The following MYLK4 variants were observed in gnomAD, a reference collection of about 807,000 sequenced individuals.
MYLK4 encodes the protein myosin light chain kinase family member 4, also known as caMLCK like.
In MYLK4, 46 loss-of-function variants were observed where a neutral mutation model predicts 48.1. The observed-to-expected ratio is 0.96, with a 90% CI of 0.75 to 1.22. The LOEUF (loss-of-function observed/expected upper bound fraction) is 1.22, where lower values mean the gene tolerates loss of function less well. MYLK4 is among the 50% of genes most tolerant of loss of function. The pLI, the probability that MYLK4 is intolerant of heterozygous loss-of-function variation, is 0.00. For synonymous variants in MYLK4, 170 were observed against 180.8 expected (o/e 0.94, Z 0.48); for missense variants, 451 against 486.1 (o/e 0.93, Z 0.68).
At position 2,685,587 on chromosome 6, in the gene MYLK4, G is replaced by A. The variant is rs756346551; in HGVS notation, c.342-11C>T. On this transcript the variant is annotated splice_polypyrimidine_tract_variant and intron_variant, in intron 4 of 12. Coordinates refer to ENST00000274643, the MANE Select transcript of MYLK4 (RefSeq NM_001012418.5). This position sits in a 1 kb window ranked among gnomAD's most constrained non-coding sequence, Gnocchi z 4.5. ...TGGCCGAAACGCCCTCTGCCAAAAA[G>A]AGGAAGCGGCGTAGCATGAGGCCCT... 18 of 1,613,802 alleles carry A rather than the reference G, an allele frequency of 1.1e-5. No homozygotes were observed. The highest frequency in any genetic ancestry group is 5.0e-5 in the Admixed American group (3 of 60,008).
At chr6:2,747,295 C>A (rs910038430) in intron 2 of MYLK4, among the ~76,000 whole-genome samples, 4 of 152,106 alleles carry the variant, frequency 2.6e-5, no homozygotes, top group Non-Finnish European at 5.9e-5. Flanking sequence ...GTTGGCTGCA[C>A]AAAAGTAACA....
intron 6 of MYLK4, among the ~76,000 whole-genome samples, chr6:2,684,919 T>C (rs1270246728): frequency 2.0e-5 from 3 of 152,244 alleles, no homozygotes; most frequent in African/African-American, 7.2e-5. Context: ...AAATGGAAGC[T>C]TCTTAGCCCT....
At chr6:2,717,193 C>T (rs1762894888) in intron 2 of MYLK4, among the ~76,000 whole-genome samples, 1 of 152,200 alleles carries the variant, frequency 6.6e-6, no homozygotes, top group African/African-American at 2.4e-5. Context: ...CAGCTTTGTT[C>T]GTTTTGAAAG....
upstream of MYLK4, among the ~76,000 whole-genome samples, chr6:2,754,145 A>G (rs901837763): frequency 3.3e-5 from 5 of 152,226 alleles, no homozygotes; most frequent in African/African-American, 7.2e-5. Context: ...GTTATTTCCC[A>G]TATGACCTAG....
chr6:2,674,459 C>T (rs1253801637), intron 11 of MYLK4, among the ~76,000 whole-genome samples: 1 of 152,068 alleles, frequency 6.6e-6, no homozygotes, highest in Non-Finnish European at 1.5e-5. Flanking sequence ...TATGTATGTG[C>T]ACATAAGACA....
chr6:2,733,393 C>A (rs779098248), intron 2 of MYLK4, among the ~76,000 whole-genome samples: 16 of 152,154 alleles, frequency 1.1e-4, no homozygotes, highest in Non-Finnish European at 1.8e-4. Context: ...TCATAATCCC[C>A]AGAGACCAGC....
At chr6:2,758,621 A>C in the MYLK4 span, among the ~76,000 whole-genome samples, 1 of 152,164 alleles carries the variant, frequency 6.6e-6, no homozygotes, top group African/African-American at 2.4e-5. Flanking sequence ...CACTAATCTA[A>C]ATCTTTTCAA....
chr6:2,751,988 T>G (rs1411087451), upstream of MYLK4, among the ~76,000 whole-genome samples: 1 of 152,188 alleles, frequency 6.6e-6, no homozygotes, highest in Non-Finnish European at 1.5e-5. Context: ...TTACCAATTT[T>G]GTTAGTATAA....
chr6:2,674,928 C>T (rs1761029225), intron 11 of MYLK4, 119 bp downstream of exon 11: 5 of 824,186 alleles, frequency 6.1e-6, no homozygotes, highest in African/African-American at 1.7e-5. Flanking sequence ...ACAAGATTTG[C>T]AGTCTGTGAG....
At chr6:2,714,368 C>T (rs1762790244) in intron 2 of MYLK4, among the ~76,000 whole-genome samples, 1 of 152,224 alleles carries the variant, frequency 6.6e-6, no homozygotes, top group Non-Finnish European at 1.5e-5. Flanking sequence ...CCTTAATTTG[C>T]ATGTAATTGA....
Position 2,668,994 on chromosome 6 carries a change from G to A in MYLK4, c.*26-1095C>T, listed in dbSNP as rs575802469. ...GAGGTAGGAGGATCACTTGAGTCCA[G>A]GAGTTTGAGGCTGCAGTGAGCTATG... On this transcript the variant is annotated intron_variant, in intron 12 of 12. Transcript: ENST00000274643. Among the ~76,000 whole-genome samples the A allele has an allele frequency of 2.6e-5, 4 of 152,182 alleles. No individual in the cohort carries two copies. The East Asian group carries it at 7.7e-4, about 29-fold the overall frequency.
At chr6:2,701,930 GTGTGTC>G (rs1407752877) in intron 2 of MYLK4, among the ~76,000 whole-genome samples, 1 of 152,214 alleles carries the variant, frequency 6.6e-6, no homozygotes, top group South Asian at 2.1e-4. Flanking sequence ...TCCCAGCCTC[GTGTGTC>G]TATTTACATC....
Position 2,705,345 on chromosome 6 carries a change from G to A in MYLK4, c.160-12486C>T, listed in dbSNP as rs527985550. Among the ~76,000 whole-genome samples, 34 of 152,322 alleles carry A rather than the reference G, an allele frequency of 2.2e-4. No homozygotes were observed. The Middle Eastern group carries it at 0.014, about 61-fold the overall frequency. On this transcript the variant is annotated intron_variant, in intron 2 of 12. Transcript: ENST00000274643. ...CCTTTCTACAAAGGGAAGGGAGGGT[G>A]ATGGGAGTAGTCTCAAGGTTCTTCT...
At chr6:2,708,624 G>C (rs1762572477) in intron 2 of MYLK4, among the ~76,000 whole-genome samples, 1 of 152,100 alleles carries the variant, frequency 6.6e-6, no homozygotes, top group Non-Finnish European at 1.5e-5. Flanking sequence ...TCTCACAAAG[G>C]TTGTTGTTTT....
chr6:2,765,096 C>T, the MYLK4 span, among the ~76,000 whole-genome samples: 2 of 151,982 alleles, frequency 1.3e-5, no homozygotes, highest in African/African-American at 4.8e-5. Flanking sequence ...TGGCTCCTCC[C>T]TGCCCTCGCG....
intron 7 of MYLK4, chr6:2,680,650 T>C: frequency 3.6e-6 from 3 of 822,662 alleles, no homozygotes; most frequent in Non-Finnish European, 4.4e-6. Flanking sequence ...TTATTCAGTA[T>C]GAATTTCCCC....
At chr6:2,721,574 C>T (rs1002910) in intron 2 of MYLK4, among the ~76,000 whole-genome samples, 6,227 of 150,786 alleles carry the variant, frequency 0.041, 240 homozygotes, top group East Asian at 0.22. Context: ...GAGAGGCATG[C>T]ATCGCAAGCT....
At chr6:2,692,629 C>CA (rs75767685) in intron 3 of MYLK4, among the ~76,000 whole-genome samples, 155 bp downstream of exon 3, 386 of 38,342 alleles carry the variant, frequency 0.01, 2 homozygotes, top group African/African-American at 0.033. Flanking sequence ...CAAACACAAG[C>CA]AAAAAAAAAA....
Position 2,683,032 on chromosome 6 carries a change from A to G in MYLK4, c.676T>C (p.Leu226=), listed in dbSNP as rs145221132. 3.1e-5 allele frequency: 50 copies of G among 1,614,168 alleles called. No individual in the cohort carries two copies. The East Asian group carries it at 1.1e-3, about 36-fold the overall frequency. Residue 226 remains leucine, a synonymous_variant, in exon 7 of 13, where the codon TTG becomes CTG. Coordinates refer to ENST00000274643, the MANE Select transcript of MYLK4 (RefSeq NM_001012418.5). ...CAAAACACCCTTACCTTCAGGTCCA[A>G]GTGGAGAATGTACATCTGATGCATG... ...RHMHQMYILH[L]DLKPENILCV...
Sources: allele counts gnomAD v4.1 joint callset (sites outside exome capture counted in the v4.1 genomes callset), GRCh38; gene constraint gnomAD v4.1.1; non-coding constraint Gnocchi (gnomAD v3.1); transcripts MANE v1.5; gene names NCBI Gene and HGNC (gene_info 2026-07-23, HGNC 2026-07-21).